Variants in DAZAP2 observed in about 807,000 individuals in gnomAD.
The protein encoded by DAZAP2 is DAZ associated protein 2, also known as DAZ-associated protein 2.
A neutral mutation model predicts 16.2 loss-of-function variants in DAZAP2; 3 were observed. The observed-to-expected ratio is 0.19, with a 90% CI of 0.08 to 0.48. The LOEUF is 0.48. Ranked by LOEUF, DAZAP2 falls within the 20% of genes least tolerant of loss-of-function variation. DAZAP2 has a pLI of 0.98. For missense variants in DAZAP2, 172 were observed against 215.9 expected (o/e 0.80, Z 1.27); for synonymous variants, 69 against 77.6 (o/e 0.89, Z 0.58).
Position 51,242,617 on chromosome 12 carries a change from A to T in DAZAP2, c.*159A>T. 1 of 1,571,640 alleles carries T rather than the reference A, an allele frequency of 6.4e-7. No individual in the cohort carries two copies. Among genetic ancestry groups the T allele is most frequent in the East Asian group, 2.4e-5 (1 of 42,408 alleles). ...AACTTTCAGGCACTTTTCAAATTTA[A>T]TAAGGAACCATGTAATGGTAGCAGT... On this transcript the variant is annotated 3_prime_UTR_variant, in exon 4 of 4. Coordinates refer to ENST00000412716, the MANE Select transcript of DAZAP2 (RefSeq NM_014764.4).
Position 51,243,874 on chromosome 12 carries a change from C to T in DAZAP2, c.*1416C>T. ...ATCCCATCTAGAATTCAGCTAGGTG[C>T]TGCTGCTGCTCTGTTTCCTTTGATG... On this transcript the variant is annotated 3_prime_UTR_variant, in exon 4 of 4. Transcript: ENST00000412716. The T allele has an allele frequency of 1.0e-6, 1 of 985,278 alleles. No homozygotes were observed. Among genetic ancestry groups the T allele is most frequent in the African/African-American group, 1.7e-5 (1 of 57,328 alleles). 61.0% of individuals were successfully genotyped at this position (985,278 alleles called of 1,614,324 possible). A position where few individuals can be genotyped will look rare whatever the true frequency, so the allele number is the denominator to read the frequency against.
In DAZAP2 at chr12:51,240,424, C is replaced by A. The variant is rs1401945559; in HGVS notation, c.95C>A (p.Ala32Asp). Residue 32 changes from alanine (A) to aspartate (D), a missense_variant, in exon 2 of 4, where the codon GCT becomes GAT. Transcript: ENST00000412716. ...VYPQTLHLPQ[A>D]PPYTDAPPAY... ...CCTCAGACCTTGCATCTTCCTCAGG[C>A]TCCACCCTATACCGATGCTCCACCT... 1 of 1,614,008 alleles carries A rather than the reference C, an allele frequency of 6.2e-7. No homozygotes were observed. The highest frequency in any genetic ancestry group is 1.3e-5 in the African/African-American group (1 of 74,894).
intron 2 of DAZAP2, 184 bp downstream of exon 2, chr12:51,240,645 T>C (rs756103835): frequency 4.9e-4 from 414 of 847,216 alleles, no homozygotes; most frequent in Non-Finnish European, 6.7e-4. Flanking sequence ...TTTTGTGTTA[T>C]TTGGCACAGG....
chr12:51,244,220 A>C (rs192199954), downstream of DAZAP2, among the ~76,000 whole-genome samples: 1 of 152,208 alleles, frequency 6.6e-6, no homozygotes, highest in Non-Finnish European at 1.5e-5. Context: ...ATTTTTTGAG[A>C]CAGGGTCTCC....
chr12:51,242,509 T>G lies in DAZAP2; in HGVS notation c.*51T>G. ...GAAAGACATCACATACCTTCAGCAC[T>G]TCTCACAATGTAACTGCTTTAGTCA... is the stretch of plus-strand genomic sequence containing the variant. On this transcript the variant is annotated 3_prime_UTR_variant, in exon 4 of 4. Transcript: ENST00000412716. 2 of 1,613,590 alleles carry G rather than the reference T, an allele frequency of 1.2e-6. No individual in the cohort carries two copies. The highest frequency in any genetic ancestry group is 1.7e-6 in the Non-Finnish European group (2 of 1,180,038).
Position 51,242,668 on chromosome 12 carries a change from G to A in DAZAP2, c.*210G>A, listed in dbSNP as rs748284553. The A allele has an allele frequency of 2.6e-5, 40 of 1,523,360 alleles. No individual in the cohort carries two copies. In the South Asian group the frequency reaches 3.4e-4, roughly 13 times the overall value. 94.4% of individuals were successfully genotyped at this position (1,523,360 alleles called of 1,614,324 possible). On this transcript the variant is annotated 3_prime_UTR_variant, in exon 4 of 4. Coordinates refer to ENST00000412716, the MANE Select transcript of DAZAP2 (RefSeq NM_014764.4). Reference sequence around the variant, plus strand: ...ACCTCCCTAAAGCATTTTGAGGTAGGGGAGGTATCCATTCATAAAATGAAT... The same window carrying A: ...ACCTCCCTAAAGCATTTTGAGGTAGAGGAGGTATCCATTCATAAAATGAAT...
chr12:51,246,332 T>G (rs762819095), downstream of DAZAP2: 2 of 603,176 alleles, frequency 3.3e-6, no homozygotes, highest in Non-Finnish European at 5.4e-6. Context: ...TAAGGACACA[T>G]GCTTTTGATT....
rs1944616717 is a variant in DAZAP2, at chr12:51,239,267, G to A, written c.13+347G>A. ...CGGCGGAGGCGGGGCGCCGCGCTCC[G>A]GAACCCCCAGCGGGGCCGAACTTAA... is the stretch of plus-strand genomic sequence containing the variant. On this transcript the variant is annotated intron_variant, in intron 1 of 3. Transcript: ENST00000412716. 1.0e-5 allele frequency: 3 copies of A among 296,084 alleles called. No individual in the cohort carries two copies. In the East Asian group the frequency reaches 2.2e-4, roughly 22 times the overall value. The allele number at this position is 296,084 out of a possible 1,614,324, so 18.3% of individuals were successfully genotyped here. A position where few individuals can be genotyped will look rare whatever the true frequency, so the allele number is the denominator to read the frequency against.
chr12:51,244,525 T>C (rs1944738500), downstream of DAZAP2: 3 of 152,204 alleles, frequency 2.0e-5, no homozygotes, highest in African/African-American at 7.2e-5. Flanking sequence ...CTTAACTTGG[T>C]TGGGTTTGAG....
In DAZAP2 at chr12:51,242,455, G is replaced by A; in HGVS notation, c.504G>A (p.Trp168Ter). 2 of 1,614,106 alleles carry A rather than the reference G, an allele frequency of 1.2e-6. No individual in the cohort carries two copies. The highest frequency in any genetic ancestry group is 2.2e-5 in the East Asian group (1 of 44,890). The stretch of plus-strand genomic sequence containing the variant: ...GTTCAGATGGTGGCTACACCATCTG[G>A]TGAGGAACCAAGGCCACCTCTGTGC... ...MGGSDGGYTI[W>*] Residue 168 changes from tryptophan (W) to a stop codon, truncating the protein, a stop_gained, in exon 4 of 4, where the codon TGG becomes TGA. Coordinates refer to ENST00000412716, the MANE Select transcript of DAZAP2 (RefSeq NM_014764.4). LOFTEE classifies it high-confidence loss of function.
chr12:51,239,680 T>A (rs886608238), intron 1 of DAZAP2: 1 of 152,310 alleles, frequency 6.6e-6, no homozygotes, highest in Non-Finnish European at 1.5e-5. Context: ...CTCGGGAGGC[T>A]GGGGTAGGAG....
At chr12:51,245,809 G>A (rs181916877), downstream of DAZAP2, 14 of 1,045,902 alleles carry the variant, frequency 1.3e-5, no homozygotes, top group East Asian at 2.1e-4. Flanking sequence ...TTGGGACTGC[G>A]ACCTGGCTGG....
In DAZAP2 at chr12:51,240,449, T is replaced by A. The variant is rs756531434; in HGVS notation, c.120T>A (p.Pro40=). ...PQAPPYTDAP[P]AYSELYRPSF... The stretch of plus-strand genomic sequence containing the variant: ...CTCCACCCTATACCGATGCTCCACC[T>A]GCCTACTCAGAGGTGCTTCCAGTTT... Residue 40 remains proline (P), a synonymous_variant, in exon 2 of 4, where the codon CCT becomes CCA. Transcript: ENST00000412716. 2 of 1,613,932 alleles carry A rather than the reference T, an allele frequency of 1.2e-6. No homozygotes were observed. The highest frequency in any genetic ancestry group is 2.2e-5 in the South Asian group (2 of 91,070).
Position 51,240,898 on chromosome 12 carries a change from G to A in DAZAP2, c.160G>A (p.Gly54Arg), listed in dbSNP as rs1456843646. 4 of 1,614,122 alleles carry A rather than the reference G, an allele frequency of 2.5e-6. No homozygotes were observed. The highest frequency in any genetic ancestry group is 3.4e-6 in the Non-Finnish European group (4 of 1,180,008). ...CTATCGTCCGAGCTTTGTGCACCCA[G>A]GGGCTGCCACAGTCCCCACCATGTC... ...ELYRPSFVHP[G>R]AATVPTMSAA... Residue 54 changes from glycine (G) to arginine (R), a missense_variant, in exon 3 of 4, where the codon GGG (glycine) becomes AGG (arginine). Coordinates refer to ENST00000412716, the MANE Select transcript of DAZAP2 (RefSeq NM_014764.4).
rs1944718117 is a variant in DAZAP2, at chr12:51,243,483, C to A, written c.*1025C>A. ...ATAGGGTCATATTGTGAATGTCTCA[C>A]TACAAAATGACTTGAGTCCAGTGAA... On this transcript the variant is annotated 3_prime_UTR_variant, in exon 4 of 4. Transcript: ENST00000412716. 46 of 985,692 alleles carry A rather than the reference C, an allele frequency of 4.7e-5. No homozygotes were observed. Among genetic ancestry groups the A allele is most frequent in the Non-Finnish European group, 5.3e-5 (44 of 829,930 alleles). 61.1% of individuals were successfully genotyped at this position (985,692 alleles called of 1,614,324 possible). A position where few individuals can be genotyped will look rare whatever the true frequency, so the allele number is the denominator to read the frequency against.
chr12:51,240,243 C>T, intron 1 of DAZAP2, 100 bp from the exon 2 acceptor site: 2 of 858,562 alleles, frequency 2.3e-6, no homozygotes, highest in Non-Finnish European at 3.9e-6. Flanking sequence ...TTTGCAAATC[C>T]CCTTCTGCTT....
At position 51,239,007 on chromosome 12, in the gene DAZAP2, A is replaced by G. The variant is rs755225620; in HGVS notation, c.13+87A>G. The G allele has an allele frequency of 3.1e-5, 49 of 1,570,424 alleles. 1 individual carries two copies. Among genetic ancestry groups the G allele is most frequent in the Non-Finnish European group, 4.1e-5 (47 of 1,157,556 alleles). ...TCGGAGCCCAGGGTCACCAAACGCCAGGTTTGGGGTGGGCTGCGCCATGCT... is the reference window on the plus strand; with the variant it reads ...TCGGAGCCCAGGGTCACCAAACGCCGGGTTTGGGGTGGGCTGCGCCATGCT... On this transcript the variant is annotated intron_variant, in intron 1 of 3. Coordinates refer to ENST00000412716, the MANE Select transcript of DAZAP2 (RefSeq NM_014764.4).
intron 1 of DAZAP2, chr12:51,239,265 C>G (rs968175384): frequency 3.4e-6 from 1 of 296,608 alleles, no homozygotes; most frequent in Admixed American, 4.8e-5. Context: ...GCGCCGCGCT[C>G]CGGAACCCCC....
At chr12:51,244,119 G>A (rs1266863202), downstream of DAZAP2, among the ~76,000 whole-genome samples, 3 of 152,218 alleles carry the variant, frequency 2.0e-5, no homozygotes, top group Non-Finnish European at 4.4e-5. Context: ...CGTTGAGGAT[G>A]ACCTTTAGTT....
Sources: gnomAD v4.1 joint callset for allele counts (sites outside exome capture counted in the v4.1 genomes callset) on GRCh38, gnomAD v4.1.1 for gene constraint, MANE v1.5 for transcripts, NCBI Gene and HGNC (gene_info 2026-07-23, HGNC 2026-07-21) for gene names.